The following COL14A1 variants were observed in gnomAD, a reference collection of about 807,000 sequenced individuals.
COL14A1 encodes the protein collagen alpha-1(XIV) chain.
In COL14A1, 136 loss-of-function variants were observed where a neutral mutation model predicts 230.3. The observed-to-expected ratio is 0.59, with a 90% CI of 0.51 to 0.68. The LOEUF (loss-of-function observed/expected upper bound fraction) is 0.68, where lower values mean the gene tolerates loss of function less well. Ranked by LOEUF, COL14A1 falls within the 30% of genes least tolerant of loss-of-function variation. The pLI, the probability that COL14A1 is intolerant of heterozygous loss-of-function variation, is 0.00. For synonymous variants in COL14A1, 792 were observed against 784.1 expected (o/e 1.01, Z -0.17); for missense variants, 1,976 against 2,215.8 (o/e 0.89, Z 2.17).
rs576580474 is a variant in COL14A1, at chr8:120,249,490, G to A, written c.2603-1127G>A. ...TTAGGCCGGAAGCATGCGTTAATTT[G>A]TAAGACAGCCTTGCTTAATTTGTTT... On this transcript the variant is annotated intron_variant, in intron 21 of 47. Coordinates refer to ENST00000297848, the MANE Select transcript of COL14A1 (RefSeq NM_021110.4). Among the ~76,000 whole-genome samples the A allele has an allele frequency of 2.6e-5, 4 of 152,304 alleles. No homozygotes were observed. The East Asian group carries it at 7.7e-4, about 29-fold the overall frequency.
chr8:120,150,550 G>C (rs1362155397), intron 2 of COL14A1, among the ~76,000 whole-genome samples: 1 of 152,112 alleles, frequency 6.6e-6, no homozygotes, highest in Non-Finnish European at 1.5e-5. Flanking sequence ...CTTGACCCCT[G>C]TGTCATTACT....
At chr8:120,209,110 G>A (rs1817537734) in intron 11 of COL14A1, among the ~76,000 whole-genome samples, 1 of 152,170 alleles carries the variant, frequency 6.6e-6, no homozygotes, top group South Asian at 2.1e-4. Flanking sequence ...TCGGATGAGT[G>A]TTAATGCCCT....
chr8:120,252,723 T>C (rs1371200528), intron 22 of COL14A1, among the ~76,000 whole-genome samples: 3 of 152,348 alleles, frequency 2.0e-5, no homozygotes, highest in African/African-American at 7.2e-5. Context: ...AATAAATAAC[T>C]ACTATTATTA....
At chr8:120,209,702 T>C (rs1354110612) in intron 11 of COL14A1, 54 bp from the exon 12 acceptor site, 1 of 1,516,072 alleles carries the variant, frequency 6.6e-7, no homozygotes, top group African/African-American at 1.4e-5. Flanking sequence ...AATTTCATTT[T>C]TCTCAAGGAC....
intron 45 of COL14A1, among the ~76,000 whole-genome samples, chr8:120,359,131 C>A (rs1178616638): frequency 1.3e-5 from 2 of 151,822 alleles, no homozygotes; most frequent in South Asian, 4.1e-4. Context: ...CACAGGTATA[C>A]ATGTGCCATG....
chr8:120,255,448 C>A, intron 23 of COL14A1, 92 bp downstream of exon 23: 1 of 957,012 alleles, frequency 1.0e-6, no homozygotes, highest in Non-Finnish European at 1.7e-6. Context: ...TAGCATTAGA[C>A]AACAGCCCTC....
At chr8:120,212,930 A>T (rs774992185) in intron 13 of COL14A1, among the ~76,000 whole-genome samples, 10 of 152,212 alleles carry the variant, frequency 6.6e-5, no homozygotes, top group Non-Finnish European at 1.3e-4. Flanking sequence ...ACAATGGGTG[A>T]TTGATACAAC....
At chr8:120,266,654 A>G (rs534673979) in intron 24 of COL14A1, among the ~76,000 whole-genome samples, 173 bp from the exon 25 acceptor site, 2 of 152,028 alleles carry the variant, frequency 1.3e-5, no homozygotes, top group African/African-American at 2.4e-5. Context: ...GGATGAGACG[A>G]TGGATGGAGT....
rs149263552 is a variant in COL14A1, at chr8:120,185,743, T to A, written c.437-11048T>A. Among the ~76,000 whole-genome samples, 707 of 152,228 alleles carry A rather than the reference T, an allele frequency of 4.6e-3. 3 individuals carry two copies. The highest frequency in any genetic ancestry group is 0.016 in the African/African-American group (681 of 41,552). On this transcript the variant is annotated intron_variant, in intron 5 of 47. Coordinates refer to ENST00000297848, the MANE Select transcript of COL14A1 (RefSeq NM_021110.4). The stretch of plus-strand genomic sequence containing the variant: ...CGGTAACTAGTAAGTCAGTCACTTG[T>A]CCTCTCTGAACCTCAATTTCATTTT...
chr8:120,209,430 C>T (rs990771255), intron 11 of COL14A1, among the ~76,000 whole-genome samples: 1 of 151,960 alleles, frequency 6.6e-6, no homozygotes, highest in Non-Finnish European at 1.5e-5. Flanking sequence ...AATCCAAGGA[C>T]ATGCAAACAG....
chr8:120,183,517 C>T (rs1004108566), intron 5 of COL14A1, among the ~76,000 whole-genome samples: 2 of 152,170 alleles, frequency 1.3e-5, no homozygotes, highest in Admixed American at 6.5e-5. Flanking sequence ...TCCTTCTGGG[C>T]ATATAGAATC....
At position 120,363,248 on chromosome 8, in the gene COL14A1, A is replaced by G. The variant is rs530231239; in HGVS notation, c.5078-3923A>G. Among the ~76,000 whole-genome samples the G allele has an allele frequency of 2.0e-5, 3 of 152,350 alleles. No individual in the cohort carries two copies. In the East Asian group the frequency reaches 5.8e-4, roughly 29 times the overall value. ...ACACCATGGAACACTATGCAACCAT[A>G]AAAAGGAATGAGATCATGTACTTTG... On this transcript the variant is annotated intron_variant, in intron 45 of 47. Coordinates refer to ENST00000297848, the MANE Select transcript of COL14A1 (RefSeq NM_021110.4).
chr8:120,192,234 A>T (rs551096330), intron 5 of COL14A1, among the ~76,000 whole-genome samples: 1 of 152,182 alleles, frequency 6.6e-6, no homozygotes, highest in Non-Finnish European at 1.5e-5. Flanking sequence ...CTTTTAGGGC[A>T]GGCATGGTGG....
chr8:120,358,372 C>T (rs1236251114), intron 45 of COL14A1, among the ~76,000 whole-genome samples: 1 of 151,942 alleles, frequency 6.6e-6, no homozygotes, highest in East Asian at 1.9e-4. Context: ...TTCTTTTATT[C>T]CTCATAATAC....
intron 40 of COL14A1, among the ~76,000 whole-genome samples, chr8:120,325,715 A>C (rs1821639954): frequency 6.6e-6 from 1 of 151,618 alleles, no homozygotes; most frequent in South Asian, 2.1e-4. Context: ...CTGGTCCGGA[A>C]CCCCCGACCT....
chr8:120,264,145 G>T (rs1819434340), intron 24 of COL14A1, among the ~76,000 whole-genome samples: 1 of 152,102 alleles, frequency 6.6e-6, no homozygotes, highest in Admixed American at 6.6e-5. Context: ...CTGAGCCTCA[G>T]ACAATCTACT....
intron 37 of COL14A1, among the ~76,000 whole-genome samples, chr8:120,312,827 TAA>T (rs1821089655): frequency 6.6e-6 from 1 of 152,214 alleles, no homozygotes; most frequent in Non-Finnish European, 1.5e-5. Flanking sequence ...TTGTCCCATG[TAA>T]CGTGTTCACC....
At chr8:120,338,191 AT>A (rs1370372403) in intron 42 of COL14A1, among the ~76,000 whole-genome samples, 7 of 151,918 alleles carry the variant, frequency 4.6e-5, no homozygotes, top group South Asian at 4.2e-4. Context: ...GATAAAATAG[AT>A]TTTAAAAAAA....
intron 25 of COL14A1, among the ~76,000 whole-genome samples, chr8:120,268,763 T>G (rs1300320756): frequency 6.6e-6 from 1 of 151,768 alleles, no homozygotes; most frequent in Non-Finnish European, 1.5e-5. Flanking sequence ...CCTTCATGCA[T>G]GTGGATATAT....
Sources: gnomAD v4.1 joint callset for allele counts (sites outside exome capture counted in the v4.1 genomes callset) on GRCh38, gnomAD v4.1.1 for gene constraint, MANE v1.5 for transcripts, NCBI Gene and HGNC (gene_info 2026-07-23, HGNC 2026-07-21) for gene names.